Variants in PIAS1 observed in about 807,000 individuals in gnomAD.
PIAS1 encodes protein inhibitor of activated STAT 1.
PIAS1 carries 6 observed loss-of-function variants against 71.3 expected under a neutral mutation model. That is an observed-to-expected ratio of 0.08 (90% confidence interval 0.05 to 0.17). The LOEUF is 0.17. Among genes scored for constraint, PIAS1 ranks in the 10% least tolerant of loss-of-function variants. The pLI is 1.00. For synonymous variants in PIAS1, 303 were observed against 292.9 expected (o/e 1.03, Z -0.35); for missense variants, 555 against 793.6 (o/e 0.70, Z 3.61).
At chr15:68,128,651 A>G (rs543446222) in intron 2 of PIAS1, among the ~76,000 whole-genome samples, 3 of 152,310 alleles carry the variant, frequency 2.0e-5, no homozygotes, top group East Asian at 3.9e-4. Flanking sequence ...TTAGAACATC[A>G]TCTGTTAAAA....
chr15:68,056,629 T>C (rs1450033490), intron 1 of PIAS1, among the ~76,000 whole-genome samples: 2 of 152,150 alleles, frequency 1.3e-5, no homozygotes, highest in Non-Finnish European at 2.9e-5. Flanking sequence ...AGCTGTGTGA[T>C]AAATTGCTTA....
intron 2 of PIAS1, among the ~76,000 whole-genome samples, chr15:68,091,797 T>A (rs1002214344): frequency 6.6e-6 from 1 of 152,232 alleles, no homozygotes; most frequent in African/African-American, 2.4e-5. Flanking sequence ...TCCTGTTTTA[T>A]AATTAAGTAT....
At chr15:68,145,746 T>C (rs2092803567) in intron 4 of PIAS1, 70 bp from the exon 5 acceptor site, 2 of 861,984 alleles carry the variant, frequency 2.3e-6, no homozygotes, top group Non-Finnish European at 1.9e-6. Flanking sequence ...TTTAAATTTA[T>C]CTATTTAACA....
chr15:68,088,654 C>T (rs2092307846), intron 2 of PIAS1, among the ~76,000 whole-genome samples: 1 of 151,774 alleles, frequency 6.6e-6, no homozygotes, highest in Non-Finnish European at 1.5e-5. Flanking sequence ...TTTATTGGCT[C>T]AATAAATATT....
At chr15:68,110,690 G>A (rs148172752) in intron 2 of PIAS1, among the ~76,000 whole-genome samples, 417 of 152,106 alleles carry the variant, frequency 2.7e-3, no homozygotes, top group African/African-American at 9.4e-3. Context: ...TGAGCCTGGG[G>A]AGATCAAGGC....
At chr15:68,088,903 G>A (rs1481300740) in intron 2 of PIAS1, among the ~76,000 whole-genome samples, 2 of 152,064 alleles carry the variant, frequency 1.3e-5, no homozygotes, top group South Asian at 2.1e-4. Context: ...AGAAAACCAC[G>A]TTTTCTGGAA....
At position 68,158,389 on chromosome 15, in the gene PIAS1, C is replaced by CT. The variant is rs1362856458; in HGVS notation, c.934+4695dup. Among the ~76,000 whole-genome samples the CT allele has an allele frequency of 9.9e-5, 15 of 152,186 alleles. No individual in the cohort carries two copies. In the East Asian group the frequency reaches 2.9e-3, roughly 29 times the overall value. ...AAAACTCCCCTGCTGCCTTCTCTGC[C>CT]TAATGTCATTATCCTTTGTTTCACT... is the stretch of plus-strand genomic sequence containing the variant. On this transcript the variant is annotated intron_variant, in intron 7 of 13. Transcript: ENST00000249636.
chr15:68,105,021 G>A (rs1230996198), intron 2 of PIAS1, among the ~76,000 whole-genome samples: 2 of 152,160 alleles, frequency 1.3e-5, no homozygotes, highest in Non-Finnish European at 2.9e-5. Flanking sequence ...ATTCAACTCA[G>A]GGTAGGTGGG....
chr15:68,110,009 T>C (rs1595732184), intron 2 of PIAS1, among the ~76,000 whole-genome samples: 2 of 152,192 alleles, frequency 1.3e-5, no homozygotes, highest in East Asian at 3.8e-4. Context: ...CAATTTTTAA[T>C]ATGGTAATGT....
In PIAS1 at chr15:68,084,846, A is replaced by G. The variant is rs1019122638; in HGVS notation, c.25-1460A>G. Among the ~76,000 whole-genome samples, 5 of 152,322 alleles carry G rather than the reference A, an allele frequency of 3.3e-5. No homozygotes were observed. In the East Asian group the frequency reaches 9.6e-4, roughly 29 times the overall value. On this transcript the variant is annotated intron_variant, in intron 1 of 13. Transcript: ENST00000249636. ...AAGCAAAATAAATGCTAAAATACAGATGCGAAAAGTGGCCTTTGTAAAAAT... is the reference window on the plus strand; with the variant it reads ...AAGCAAAATAAATGCTAAAATACAGGTGCGAAAAGTGGCCTTTGTAAAAAT...
intron 6 of PIAS1, among the ~76,000 whole-genome samples, chr15:68,150,051 CT>C (rs2092834673): frequency 6.6e-6 from 1 of 151,648 alleles, no homozygotes; most frequent in South Asian, 2.1e-4. Context: ...TATCAAAATT[CT>C]TTTTGACATC....
chr15:68,108,644 C>T (rs1218662373), intron 2 of PIAS1, among the ~76,000 whole-genome samples: 1 of 152,270 alleles, frequency 6.6e-6, no homozygotes, highest in East Asian at 1.9e-4. Context: ...TCACACTTAA[C>T]CTGTCTAAAA....
chr15:68,181,201 C>T lies in PIAS1; in HGVS notation c.1482-11C>T. On this transcript the variant is annotated splice_polypyrimidine_tract_variant and intron_variant, in intron 11 of 13. Transcript: ENST00000249636. Reference sequence around the variant, plus strand: ...GCTAATGAAAACTATGCCAATCTTTCCTTCTTCCAGCATTTTAAGTCTTCC... The same window carrying T: ...GCTAATGAAAACTATGCCAATCTTTTCTTCTTCCAGCATTTTAAGTCTTCC... The T allele has an allele frequency of 6.2e-7, 1 of 1,611,742 alleles. No individual in the cohort carries two copies. The highest frequency in any genetic ancestry group is 8.5e-7 in the Non-Finnish European group (1 of 1,178,670).
chr15:68,086,604 T>C lies in PIAS1; in HGVS notation c.323T>C (p.Leu108Ser). 6.2e-7 allele frequency: 1 copy of C among 1,613,904 alleles called. No homozygotes were observed. Among genetic ancestry groups the C allele is most frequent in the East Asian group, 2.2e-5 (1 of 44,886 alleles). ...GATGGTCACCCTGCATCATCGCCAT[T>C]ACTCCCTGTTTCTCTTCTGGGACCT... Reference protein sequence around the residue: ...TYDGHPASSPLLPVSLLGPKH... With the variant: ...TYDGHPASSPSLPVSLLGPKH... The change falls in exon 2 of 14, where the codon TTA becomes TCA. Residue 108 changes from leucine (L) to serine (S), a missense_variant. By Grantham distance (145) the Leu-to-Ser change is moderately radical. Around this residue, in one of 5 missense-constraint regions of PIAS1, gnomAD observed 80 missense variants for 66.9 expected, o/e 1.20. Coordinates refer to ENST00000249636, the MANE Select transcript of PIAS1 (RefSeq NM_016166.3). This position sits in a 1 kb window ranked among gnomAD's most constrained non-coding sequence, Gnocchi z 7.2.
intron 13 of PIAS1, chr15:68,183,944 CTG>C (rs936093120): frequency 1.3e-5 from 3 of 224,784 alleles, no homozygotes; most frequent in Non-Finnish European, 2.6e-5. Context: ...ATAAACAACT[CTG>C]TTACTGGTTT....
chr15:68,060,484 G>T (rs977632511), intron 1 of PIAS1, among the ~76,000 whole-genome samples: 12 of 151,880 alleles, frequency 7.9e-5, no homozygotes, highest in Non-Finnish European at 1.5e-4. Flanking sequence ...GTGGTGGTGC[G>T]CACCTGTAAT....
In PIAS1 at chr15:68,186,720, A is replaced by AT. The variant is rs1440316466; in HGVS notation, c.1663-817dup. Among the ~76,000 whole-genome samples the AT allele has an allele frequency of 2.6e-5, 4 of 152,150 alleles. No individual in the cohort carries two copies. The highest frequency in any genetic ancestry group is 9.7e-5 in the African/African-American group (4 of 41,436). On this transcript the variant is annotated intron_variant, in intron 13 of 13. Coordinates refer to ENST00000249636, the MANE Select transcript of PIAS1 (RefSeq NM_016166.3). This position sits in a 1 kb window ranked among gnomAD's most constrained non-coding sequence, Gnocchi z 4.4. ...ATCATTTTTTTATCTTTTATACCAT[A>AT]TTTTTACTGTACCTTTTCTATGTTG...
At chr15:68,170,981 A>T (rs2092987731) in intron 8 of PIAS1, among the ~76,000 whole-genome samples, 1 of 151,944 alleles carries the variant, frequency 6.6e-6, no homozygotes. Flanking sequence ...ATTTTTTTTA[A>T]CTTTTGACTC....
At chr15:68,090,839 A>G (rs552918643) in intron 2 of PIAS1, among the ~76,000 whole-genome samples, 21 of 152,298 alleles carry the variant, frequency 1.4e-4, no homozygotes, top group Admixed American at 1.2e-3. Context: ...TGTTTAATGT[A>G]GAATCCATAG....
Sources: gnomAD v4.1 joint callset for allele counts (sites outside exome capture counted in the v4.1 genomes callset) on GRCh38, gnomAD v4.1.1 for gene constraint, gnomAD v4.1.1 regional missense constraint, Gnocchi (gnomAD v3.1) non-coding constraint, MANE v1.5 for transcripts, NCBI Gene and HGNC (gene_info 2026-07-23, HGNC 2026-07-21) for gene names.